Variants in TSSK3 observed in about 807,000 individuals in gnomAD.
TSSK3 encodes the protein testis specific serine kinase 3.
In TSSK3, 16 loss-of-function variants were observed where a neutral mutation model predicts 18.9. That is an observed-to-expected ratio of 0.85 (90% CI 0.57 to 1.28). The LOEUF (loss-of-function observed/expected upper bound fraction) is 1.28, where lower values mean the gene tolerates loss of function less well. Among genes scored for constraint, TSSK3 ranks in the 50% most tolerant of loss-of-function variants. TSSK3 has a pLI of 0.00. For synonymous variants in TSSK3, 146 were observed against 133.9 expected, an observed-to-expected ratio of 1.09 and a Z score of -0.62; for missense variants, 345 against 341.0, an observed-to-expected ratio of 1.01 and a Z score of -0.09.
Position 32,363,706 on chromosome 1 carries a change from T to C in TSSK3, c.257T>C (p.Leu86Pro). The stretch of plus-strand genomic sequence containing the variant: ...GAGTCTGCCGACGGGAAAATCTGCC[T>C]GGTGATGGAGCTCGCTGAGGGAGGG... The part of the protein sequence containing the change: ...MLESADGKIC[L>P]VMELAEGGDV... Residue 86 changes from leucine to proline, a missense_variant, in exon 2 of 2, where the codon CTG becomes CCG. Coordinates refer to ENST00000373534, the MANE Select transcript of TSSK3 (RefSeq NM_052841.4). 1 of 1,614,164 alleles carries C rather than the reference T, an allele frequency of 6.2e-7. No individual in the cohort carries two copies. Among genetic ancestry groups the C allele is most frequent in the South Asian group, 1.1e-5 (1 of 91,072 alleles).
chr1:32,363,560 C>G (rs780808676), intron 1 of TSSK3, 35 bp from the exon 2 acceptor site: 26 of 1,576,586 alleles, frequency 1.6e-5, no homozygotes, highest in African/African-American at 2.7e-5. Flanking sequence ...CCTTTCTGAT[C>G]TGCCAGCCCA....
At position 32,363,690 on chromosome 1, in the gene TSSK3, G is replaced by A. The variant is rs761879880; in HGVS notation, c.241G>A (p.Asp81Asn). ...GGTGTATGAGATGCTGGAGTCTGCC[G>A]ACGGGAAAATCTGCCTGGTGATGGA... ...IQVYEMLESA[D>N]GKICLVMELA... is the part of the protein sequence containing the mutation. The change falls in exon 2 of 2, where the codon GAC becomes AAC. Residue 81 changes from aspartate (D) to asparagine (N), a missense_variant. Asp to Asn is a conservative substitution (Grantham distance 23). Transcript: ENST00000373534. 26 of 1,614,086 alleles carry A rather than the reference G, an allele frequency of 1.6e-5. 1 individual carries two copies. The highest frequency in any genetic ancestry group is 8.9e-5 in the East Asian group (4 of 44,888).
rs762334081 is a variant in TSSK3 at position 32,363,996 on chromosome 1, G to A, written c.547G>A (p.Gly183Ser). 6.2e-7 allele frequency: 1 copy of A among 1,614,264 alleles called. No individual in the cohort carries two copies. The highest frequency in any genetic ancestry group is 1.1e-5 in the South Asian group (1 of 91,084). ...TAYAAPEVLQ[G>S]IPHDSKKGDV... ...CTATGCTGCCCCCGAGGTGCTGCAG[G>A]GCATTCCCCACGATAGCAAAAAAGG... is the stretch of plus-strand genomic sequence containing the variant. The change falls in exon 2 of 2, where the codon GGC becomes AGC. Residue 183 changes from glycine (G) to serine (S), a missense_variant. Gly to Ser is a moderately conservative substitution (Grantham distance 56). Coordinates refer to ENST00000373534, the MANE Select transcript of TSSK3 (RefSeq NM_052841.4).
At chr1:32,363,515 A>G in intron 1 of TSSK3, 80 bp from the exon 2 acceptor site, 1 of 1,398,480 alleles carries the variant, frequency 7.2e-7, no homozygotes, top group Non-Finnish European at 9.8e-7. Flanking sequence ...GGTGGGCAGA[A>G]GTTGGAAGGC....
rs35457991 is a variant in TSSK3, at chr1:32,364,153, C to T, written c.704C>T (p.Ser235Leu). The change falls in exon 2 of 2, where the codon TCG (serine) becomes TTG (leucine). Residue 235 changes from serine to leucine, a missense_variant. By Grantham distance (145) the Ser-to-Leu change is moderately radical. Coordinates refer to ENST00000373534, the MANE Select transcript of TSSK3 (RefSeq NM_052841.4). ...GVSFPTHLSI[S>L]ADCQDLLKRL... Reference sequence around the variant, plus strand: ...TCCTTCCCCACTCATCTGAGCATCTCGGCCGATTGCCAGGACCTGCTCAAG... The same window carrying T: ...TCCTTCCCCACTCATCTGAGCATCTTGGCCGATTGCCAGGACCTGCTCAAG... 3.2e-4 allele frequency: 515 copies of T among 1,614,058 alleles called. No individual in the cohort carries two copies. The highest frequency in any genetic ancestry group is 4.0e-4 in the Non-Finnish European group (476 of 1,180,040).
rs1413594956 is a variant in TSSK3 at position 32,363,717 on chromosome 1, C to T, written c.268C>T (p.Leu90Phe). The change falls in exon 2 of 2, where the codon CTC becomes TTC. Residue 90 changes from leucine (L) to phenylalanine (F), a missense_variant. Coordinates refer to ENST00000373534, the MANE Select transcript of TSSK3 (RefSeq NM_052841.4). ...ADGKICLVME[L>F]AEGGDVFDCV... ...CGGGAAAATCTGCCTGGTGATGGAG[C>T]TCGCTGAGGGAGGGGATGTCTTTGA... 6.2e-7 allele frequency: 1 copy of T among 1,610,786 alleles called. No individual in the cohort carries two copies. Among genetic ancestry groups the T allele is most frequent in the Admixed American group, 1.7e-5 (1 of 59,348 alleles).
Position 32,362,547 on chromosome 1 carries a change from C to G in TSSK3, c.-155C>G. 1.2e-6 allele frequency: 1 copy of G among 847,156 alleles called. No individual in the cohort carries two copies. Among genetic ancestry groups the G allele is most frequent in the South Asian group, 1.8e-5 (1 of 56,112 alleles). 52.5% of individuals were successfully genotyped at this position (847,156 alleles called of 1,614,324 possible). A position where few individuals can be genotyped will look rare whatever the true frequency, so the allele number is the denominator to read the frequency against. The stretch of plus-strand genomic sequence containing the variant: ...GGCCCTGTCCCTCCCCACCACCCGC[C>G]GCTGTGTCCAGACAGAGAATGTTCT... On this transcript the variant is annotated 5_prime_UTR_variant, in exon 1 of 2. Transcript: ENST00000373534.
Position 32,362,659 on chromosome 1 carries a change from C to T in TSSK3, c.-43C>T, listed in dbSNP as rs1641725687. 1 of 1,608,348 alleles carries T rather than the reference C, an allele frequency of 6.2e-7. No homozygotes were observed. The highest frequency in any genetic ancestry group is 8.5e-7 in the Non-Finnish European group (1 of 1,177,098). On this transcript the variant is annotated 5_prime_UTR_variant, in exon 1 of 2. An upstream open reading frame in the 5' UTR gains an earlier in-frame stop. Transcript: ENST00000373534. ...GTGGAGTAGAGCTGCCTCTCAGAGG[C>T]AGCATGAGCTGAGAGGGTGATAGGA... is the stretch of plus-strand genomic sequence containing the variant.
chr1:32,364,197 A>G lies in TSSK3; in HGVS notation c.748A>G (p.Met250Val), dbSNP rs753709627. The G allele has an allele frequency of 5.4e-5, 87 of 1,612,908 alleles. No homozygotes were observed. The highest frequency in any genetic ancestry group is 3.3e-4 in the Middle Eastern group (2 of 6,084). The change falls in exon 2 of 2, where the codon ATG becomes GTG. Residue 250 changes from methionine to valine, a missense_variant. Coordinates refer to ENST00000373534, the MANE Select transcript of TSSK3 (RefSeq NM_052841.4). ...DLLKRLLEPD[M>V]ILRPSIEEVS... The stretch of plus-strand genomic sequence containing the variant: ...GCTCAAGAGGCTCCTGGAACCCGAT[A>G]TGATCCTCCGGCCTTCAATTGAAGA...
Position 32,363,483 on chromosome 1 carries a change from C to T in TSSK3, c.146-112C>T. 2.9e-6 allele frequency: 3 copies of T among 1,030,576 alleles called. No homozygotes were observed. The South Asian group carries it at 4.9e-5, about 17-fold the overall frequency. The allele number at this position is 1,030,576 out of a possible 1,614,324, so 63.8% of individuals were successfully genotyped here. ...GACACACTTAAGACCATTAAGAAAG[C>T]CAAGAAATAAGACCCAGACAAGGTG... On this transcript the variant is annotated intron_variant, in intron 1 of 1. Transcript: ENST00000373534.
Position 32,362,688 on chromosome 1 carries a change from C to T in TSSK3, c.-14C>T, listed in dbSNP as rs746426899. 30 of 1,613,488 alleles carry T rather than the reference C, an allele frequency of 1.9e-5. No homozygotes were observed. Among genetic ancestry groups the T allele is most frequent in the South Asian group, 1.6e-4 (15 of 91,050 alleles). On this transcript the variant is annotated 5_prime_UTR_variant, in exon 1 of 2. Coordinates refer to ENST00000373534, the MANE Select transcript of TSSK3 (RefSeq NM_052841.4). ...ATGAGCTGAGAGGGTGATAGGAAGGCGGCGCTAGACAGCATGGAGGACTTT... is the reference window on the plus strand; with the variant it reads ...ATGAGCTGAGAGGGTGATAGGAAGGTGGCGCTAGACAGCATGGAGGACTTT...
At position 32,362,709 on chromosome 1, in the gene TSSK3, A is replaced by G. The variant is rs1641727040; in HGVS notation, c.8A>G (p.Asp3Gly). The G allele has an allele frequency of 1.2e-6, 2 of 1,614,128 alleles. No homozygotes were observed. Among genetic ancestry groups the G allele is most frequent in the East Asian group, 2.2e-5 (1 of 44,870 alleles). Residue 3 changes from aspartate to glycine, a missense_variant, in exon 1 of 2, where the codon GAC (aspartate) becomes GGC (glycine). Physicochemically the swap from Asp to Gly is moderately conservative, Grantham distance 94. Transcript: ENST00000373534. The stretch of plus-strand genomic sequence containing the variant: ...AAGGCGGCGCTAGACAGCATGGAGG[A>G]CTTTCTGCTCTCCAATGGGTACCAG... The part of the protein sequence containing the change: ME[D>G]FLLSNGYQLG...
At position 32,363,832 on chromosome 1, in the gene TSSK3, G is replaced by A. The variant is rs1458152565; in HGVS notation, c.383G>A (p.Cys128Tyr). ...GAGGCCATCCGCTACTGCCATGGCT[G>A]TGGTGTGGCCCACCGGGACCTCAAA... ...MVEAIRYCHGCGVAHRDLKCE... is the reference protein window; with the variant it reads ...MVEAIRYCHGYGVAHRDLKCE... The change falls in exon 2 of 2, where the codon TGT becomes TAT. Residue 128 changes from cysteine to tyrosine, a missense_variant. Coordinates refer to ENST00000373534, the MANE Select transcript of TSSK3 (RefSeq NM_052841.4). 7.4e-6 allele frequency: 12 copies of A among 1,614,122 alleles called. No individual in the cohort carries two copies. The highest frequency in any genetic ancestry group is 1.0e-5 in the Non-Finnish European group (12 of 1,180,060).
rs1369243363 is a variant in TSSK3, at chr1:32,363,685, C to G, written c.236C>G (p.Ser79Cys). ...NIIQVYEMLESADGKICLVME... is the reference protein window; with the variant it reads ...NIIQVYEMLECADGKICLVME... ...ATCCAGGTGTATGAGATGCTGGAGT[C>G]TGCCGACGGGAAAATCTGCCTGGTG... Residue 79 changes from serine (S) to cysteine (C), a missense_variant, in exon 2 of 2, where the codon TCT (serine) becomes TGT (cysteine). By Grantham distance (112) the Ser-to-Cys change is moderately radical (BLOSUM62 -1). Transcript: ENST00000373534. The G allele has an allele frequency of 1.9e-6, 3 of 1,614,122 alleles. No homozygotes were observed. Among genetic ancestry groups the G allele is most frequent in the Middle Eastern group, 1.6e-4 (1 of 6,084 alleles).
chr1:32,363,553 T>G (rs1395134328), intron 1 of TSSK3, 42 bp from the exon 2 acceptor site: 3 of 1,570,858 alleles, frequency 1.9e-6, no homozygotes, highest in Non-Finnish European at 2.6e-6. Context: ...AGGTGGGCCT[T>G]TCTGATCTGC....
Position 32,364,306 on chromosome 1 carries a change from C to T in TSSK3, c.*50C>T. 6.6e-7 allele frequency: 1 copy of T among 1,509,284 alleles called. No individual in the cohort carries two copies. The highest frequency in any genetic ancestry group is 8.9e-7 in the Non-Finnish European group (1 of 1,129,710). 93.5% of individuals were successfully genotyped at this position (1,509,284 alleles called of 1,614,324 possible). A position where few individuals can be genotyped will look rare whatever the true frequency, so the allele number is the denominator to read the frequency against. On this transcript the variant is annotated 3_prime_UTR_variant, in exon 2 of 2. Transcript: ENST00000373534. Reference sequence around the variant, plus strand: ...AATAAAGTAGGGGGAGAAAGCAAACCCAAAAACCCGCTTCTAAAATGGTGA... The same window carrying T: ...AATAAAGTAGGGGGAGAAAGCAAACTCAAAAACCCGCTTCTAAAATGGTGA...
rs1250035146 is a variant in TSSK3 at position 32,363,707 on chromosome 1, G to A, written c.258G>A (p.Leu86=). Residue 86 remains leucine, a synonymous_variant, in exon 2 of 2, where the codon CTG becomes CTA. Transcript: ENST00000373534. ...AGTCTGCCGACGGGAAAATCTGCCT[G>A]GTGATGGAGCTCGCTGAGGGAGGGG... is the stretch of plus-strand genomic sequence containing the variant. ...MLESADGKIC[L]VMELAEGGDV... The A allele has an allele frequency of 6.8e-6, 11 of 1,612,718 alleles. No homozygotes were observed. The highest frequency in any genetic ancestry group is 9.3e-6 in the Non-Finnish European group (11 of 1,179,402).
rs144214403 is a variant in TSSK3 at position 32,364,198 on chromosome 1, T to C, written c.749T>C (p.Met250Thr). 6.2e-7 allele frequency: 1 copy of C among 1,612,968 alleles called. No individual in the cohort carries two copies. Among genetic ancestry groups the C allele is most frequent in the Non-Finnish European group, 8.5e-7 (1 of 1,179,044 alleles). Reference sequence around the variant, plus strand: ...CTCAAGAGGCTCCTGGAACCCGATATGATCCTCCGGCCTTCAATTGAAGAA... The same window carrying C: ...CTCAAGAGGCTCCTGGAACCCGATACGATCCTCCGGCCTTCAATTGAAGAA... Reference protein sequence around the residue: ...DLLKRLLEPDMILRPSIEEVS... With the variant: ...DLLKRLLEPDTILRPSIEEVS... Residue 250 changes from methionine (M) to threonine (T), a missense_variant, in exon 2 of 2, where the codon ATG becomes ACG. Transcript: ENST00000373534.
In TSSK3 at chr1:32,362,928, A is replaced by G; in HGVS notation, c.145+82A>G. 9 of 1,510,512 alleles carry G rather than the reference A, an allele frequency of 6.0e-6. No individual in the cohort carries two copies. In the South Asian group the frequency reaches 1.1e-4, roughly 18 times the overall value. 93.6% of individuals were successfully genotyped at this position (1,510,512 alleles called of 1,614,324 possible). ...CTTCCTCCTGTTTGTTAGAACGATC[A>G]TTCGATCATTCCCTGCTCCCGCTGG... On this transcript the variant is annotated intron_variant, in intron 1 of 1. Transcript: ENST00000373534.
Sources: allele counts gnomAD v4.1 joint callset, GRCh38; gene constraint gnomAD v4.1.1; transcripts MANE v1.5; gene names NCBI Gene and HGNC (gene_info 2026-07-23, HGNC 2026-07-21).